The following AK9 variants were observed in gnomAD, a reference collection of about 807,000 sequenced individuals.
The protein encoded by AK9 is adenylate kinase domain containing 1.
AK9 carries 191 observed loss-of-function variants against 239.6 expected under a neutral mutation model. The observed-to-expected ratio is 0.80, with a 90% CI of 0.71 to 0.90. AK9 has a LOEUF of 0.90. Among genes scored for constraint, AK9 ranks in the 40% least tolerant of loss-of-function variants. The pLI, the probability that AK9 is intolerant of heterozygous loss-of-function variation, is 0.00. For missense variants in AK9, 1,995 were observed against 2,214.7 expected (o/e 0.90, Z 1.99); for synonymous variants, 689 against 721.0 (o/e 0.96, Z 0.71).
chr6:109,615,937 T>A (rs1366189628), intron 13 of AK9, among the ~76,000 whole-genome samples: 1 of 140,874 alleles, frequency 7.1e-6, no homozygotes, highest in African/African-American at 2.6e-5. Flanking sequence ...GTAAAAAAAA[T>A]GTTATAAGAA....
intron 32 of AK9, among the ~76,000 whole-genome samples, chr6:109,509,647 C>T (rs12194431): frequency 0.21 from 31,599 of 151,932 alleles, 3,469 homozygotes; most frequent in South Asian, 0.33. Flanking sequence ...ACTTAAACTG[C>T]GGCTATGGGT....
chr6:109,601,502 T>A (rs534387878), intron 17 of AK9, among the ~76,000 whole-genome samples: 50 of 152,336 alleles, frequency 3.3e-4, no homozygotes, highest in Non-Finnish European at 1.8e-4. Context: ...CTTCCAACTA[T>A]GTGGTCAATT....
At chr6:109,606,836 A>G (rs1468939081) in intron 17 of AK9, among the ~76,000 whole-genome samples, 1 of 152,224 alleles carries the variant, frequency 6.6e-6, no homozygotes, top group African/African-American at 2.4e-5. Context: ...ATTTCTGTGC[A>G]TTCTCCATGG....
intron 17 of AK9, among the ~76,000 whole-genome samples, chr6:109,589,522 T>C (rs1789944351): frequency 6.6e-6 from 1 of 152,086 alleles, no homozygotes; most frequent in Non-Finnish European, 1.5e-5. Flanking sequence ...ACAGTAGAGA[T>C]TATTTGAGTT....
chr6:109,579,420 G>C (rs939983258), intron 20 of AK9, 130 bp downstream of exon 20: 10 of 758,364 alleles, frequency 1.3e-5, no homozygotes, highest in Non-Finnish European at 1.9e-5. Flanking sequence ...CAAGAATATA[G>C]GCATAAACCT....
intron 5 of AK9, among the ~76,000 whole-genome samples, chr6:109,670,203 C>CA (rs1216388592): frequency 6.6e-6 from 1 of 151,234 alleles, no homozygotes; most frequent in Non-Finnish European, 1.5e-5. Flanking sequence ...GATCCTGCTT[C>CA]AAAAAAAATC....
chr6:109,649,013 C>T (rs1240319775), intron 8 of AK9, among the ~76,000 whole-genome samples: 7 of 152,200 alleles, frequency 4.6e-5, no homozygotes, highest in Non-Finnish European at 1.0e-4. Flanking sequence ...TCAACAGATG[C>T]AGAAAAGGCC....
At chr6:109,571,233 T>C (rs552417485) in intron 21 of AK9, among the ~76,000 whole-genome samples, 1 of 152,284 alleles carries the variant, frequency 6.6e-6, no homozygotes, top group South Asian at 2.1e-4. Context: ...ATCATTATCC[T>C]AATACCACAT....
At position 109,677,695 on chromosome 6, in the gene AK9, C is replaced by A. The variant is rs528609482; in HGVS notation, c.-11-1939G>T. On this transcript the variant is annotated intron_variant, in intron 1 of 40. Transcript: ENST00000424296. The stretch of plus-strand genomic sequence containing the variant: ...ATAACTATCAAAGGTCAACAGAATT[C>A]TTTTCACTGAGTTTAAAAAAGTCAA... Among the ~76,000 whole-genome samples the A allele has an allele frequency of 3.9e-5, 6 of 152,212 alleles. No individual in the cohort carries two copies. The East Asian group carries it at 9.6e-4, about 24-fold the overall frequency.
chr6:109,675,798 G>A (rs1771629417), intron 1 of AK9, 42 bp from the exon 2 acceptor site: 11 of 1,163,936 alleles, frequency 9.5e-6, no homozygotes, highest in African/African-American at 1.6e-5. Context: ...GTCTAATTTG[G>A]TTGGATGAGG....
At chr6:109,591,402 G>T (rs907923707) in intron 17 of AK9, among the ~76,000 whole-genome samples, 1 of 151,892 alleles carries the variant, frequency 6.6e-6, no homozygotes, top group African/African-American at 2.4e-5. Context: ...CTTTGACTCT[G>T]TAAATGTATT....
intron 33 of AK9, among the ~76,000 whole-genome samples, chr6:109,507,230 C>G (rs1778202634): frequency 6.6e-6 from 1 of 152,078 alleles, no homozygotes; most frequent in African/African-American, 2.4e-5. Flanking sequence ...TGATGTTTAA[C>G]TCTTAGAGTT....
At chr6:109,614,689 C>T (rs1298551421) in intron 13 of AK9, among the ~76,000 whole-genome samples, 1 of 152,090 alleles carries the variant, frequency 6.6e-6, no homozygotes, top group East Asian at 1.9e-4. Flanking sequence ...GAAAGCACTG[C>T]TGTGAGGATT....
rs149691623 is a variant in AK9 at position 109,563,965 on chromosome 6, C to T, written c.2635+115G>A. ...GTTGCTAAGTATTTTATACATCAGC[C>T]TTGGATATACTGAACATTTACTTCA... On this transcript the variant is annotated intron_variant, in intron 23 of 40. Coordinates refer to ENST00000424296, the MANE Select transcript of AK9 (RefSeq NM_001145128.3). The T allele has an allele frequency of 6.3e-5, 73 of 1,151,074 alleles. 1 individual carries two copies. The African/African-American group carries it at 8.9e-4, about 14-fold the overall frequency. The allele number at this position is 1,151,074 out of a possible 1,614,324, so 71.3% of individuals were successfully genotyped here.
chr6:109,639,575 A>C lies in AK9; in HGVS notation c.933+1943T>G, dbSNP rs189976786. ...CCTTTGTCAGATGTGTAGATTGCAA[A>C]AATTTTCTCCCATTCTGTAGGTTGC... On this transcript the variant is annotated intron_variant, in intron 10 of 40. Coordinates refer to ENST00000424296, the MANE Select transcript of AK9 (RefSeq NM_001145128.3). Among the ~76,000 whole-genome samples the C allele has an allele frequency of 2.8e-3, 423 of 149,242 alleles. 1 individual carries two copies. Among genetic ancestry groups the C allele is most frequent in the African/African-American group, 1.0e-2 (404 of 40,508 alleles).
chr6:109,506,984 G>A (rs1010888021), intron 33 of AK9, among the ~76,000 whole-genome samples, 184 bp from the exon 34 acceptor site: 2 of 152,140 alleles, frequency 1.3e-5, no homozygotes, highest in African/African-American at 4.8e-5. Context: ...CAGGCCAAGA[G>A]CCATGAGGTG....
At chr6:109,680,355 G>A (rs1430235510) in intron 1 of AK9, among the ~76,000 whole-genome samples, 1 of 152,106 alleles carries the variant, frequency 6.6e-6, no homozygotes, top group Non-Finnish European at 1.5e-5. Context: ...AAGCATATCA[G>A]TGACTGAAGA....
rs368950965 is a variant in AK9, at chr6:109,666,439, C to T, written c.332-3776G>A. Among the ~76,000 whole-genome samples the T allele has an allele frequency of 2.5e-4, 38 of 152,304 alleles. 5 individuals carry two copies. The highest frequency in any genetic ancestry group is 1.8e-3 in the Admixed American group (28 of 15,302). On this transcript the variant is annotated intron_variant, in intron 5 of 40. Coordinates refer to ENST00000424296, the MANE Select transcript of AK9 (RefSeq NM_001145128.3). Reference sequence around the variant, plus strand: ...CTTGAGACCATTACCAAGCCCTTGCCCTTCCATGCTAACGATGGAGGAGTG... The same window carrying T: ...CTTGAGACCATTACCAAGCCCTTGCTCTTCCATGCTAACGATGGAGGAGTG...
chr6:109,509,098 G>A lies in AK9; in HGVS notation c.4481+81C>T, dbSNP rs1208337878. On this transcript the variant is annotated intron_variant, in intron 33 of 40. Transcript: ENST00000424296. ...CCTTTATAAGAGCTTTAAGCCCCAT[G>A]TAAGTGTTTTAAATCACGAGCGAGC... is the stretch of plus-strand genomic sequence containing the variant. The A allele has an allele frequency of 3.7e-6, 5 of 1,339,548 alleles. No homozygotes were observed. In the African/African-American group the frequency reaches 5.9e-5, roughly 16 times the overall value. The allele number at this position is 1,339,548 out of a possible 1,614,324, so 83.0% of individuals were successfully genotyped here.
Sources: gnomAD v4.1 joint callset for allele counts (sites outside exome capture counted in the v4.1 genomes callset) on GRCh38, gnomAD v4.1.1 for gene constraint, MANE v1.5 for transcripts, NCBI Gene and HGNC (gene_info 2026-07-23, HGNC 2026-07-21) for gene names.